EYA2: variants seen among roughly 807,000 people sequenced by gnomAD.
EYA2 encodes the protein protein phosphatase EYA2.
A neutral mutation model predicts 69.2 loss-of-function variants in EYA2; 31 were observed. The ratio of observed to expected loss-of-function variants is 0.45; its 90% CI spans 0.34 to 0.60. EYA2 has a LOEUF of 0.60. Among genes scored for constraint, EYA2 ranks in the 20% least tolerant of loss-of-function variants. The pLI, the probability that EYA2 is intolerant of heterozygous loss-of-function variation, is 0.02. For synonymous variants in EYA2, 257 were observed against 279.4 expected (o/e 0.92, Z 0.80); for missense variants, 622 against 701.2 (o/e 0.89, Z 1.28).
chr20:47,062,108 C>T lies in EYA2; in HGVS notation c.416-10077C>T, dbSNP rs143682921. Among the ~76,000 whole-genome samples the T allele has an allele frequency of 3.7e-3, 557 of 152,302 alleles. 2 individuals carry two copies. Among genetic ancestry groups the T allele is most frequent in the African/African-American group, 0.012 (483 of 41,558 alleles). ...TTTGCCTTCCTGCCTGAATCCTGGG[C>T]TCACTTACCACTTCTCACACGTGAT... On this transcript the variant is annotated intron_variant, in intron 5 of 15. Coordinates refer to ENST00000327619, the MANE Select transcript of EYA2 (RefSeq NM_005244.5).
chr20:47,159,805 C>T (rs2034027290), intron 10 of EYA2, among the ~76,000 whole-genome samples: 1 of 151,978 alleles, frequency 6.6e-6, no homozygotes, highest in Non-Finnish European at 1.5e-5. Context: ...GTCTGGCCAA[C>T]ATGGTGAAAC....
intron 10 of EYA2, among the ~76,000 whole-genome samples, chr20:47,149,872 TACATACAC>T (rs897470250): frequency 2.6e-5 from 4 of 151,878 alleles, no homozygotes; most frequent in African/African-American, 7.3e-5. Context: ...AATAAATACA[TACATACAC>T]ACATACACAC....
chr20:47,028,572 G>A (rs1984226538), intron 5 of EYA2, among the ~76,000 whole-genome samples: 1 of 152,248 alleles, frequency 6.6e-6, no homozygotes, highest in Non-Finnish European at 1.5e-5. Context: ...CAGGCACTGT[G>A]CCAGGTGCTG....
At chr20:46,914,579 G>C (rs1328230804) in intron 1 of EYA2, among the ~76,000 whole-genome samples, 2 of 152,180 alleles carry the variant, frequency 1.3e-5, no homozygotes, top group South Asian at 2.1e-4. Flanking sequence ...GCCCAGGAAA[G>C]GGGGAAGCCT....
intron 9 of EYA2, among the ~76,000 whole-genome samples, chr20:47,138,099 C>T (rs1030162430): frequency 2.0e-5 from 3 of 151,698 alleles, no homozygotes; most frequent in African/African-American, 4.9e-5. Context: ...TGTAACTAAC[C>T]TGCACATTGT....
chr20:47,075,186 T>C (rs1359155614), intron 7 of EYA2, among the ~76,000 whole-genome samples: 2 of 152,258 alleles, frequency 1.3e-5, no homozygotes, highest in Non-Finnish European at 2.9e-5. Context: ...TCTCTAATCA[T>C]TTACTTATAT....
At chr20:47,130,183 C>A (rs1356397377) in intron 9 of EYA2, among the ~76,000 whole-genome samples, 1 of 151,024 alleles carries the variant, frequency 6.6e-6, no homozygotes, top group African/African-American at 2.5e-5. Flanking sequence ...ATATAGCTGA[C>A]CACTCACTAC....
chr20:47,183,258 A>G, intron 14 of EYA2, 33 bp from the exon 15 acceptor site: 1 of 1,607,412 alleles, frequency 6.2e-7, no homozygotes, highest in South Asian at 1.1e-5. Context: ...GTCCTCACAG[A>G]GCGTTTTTTC....
At chr20:47,036,725 C>T (rs565823909) in intron 5 of EYA2, among the ~76,000 whole-genome samples, 1 of 152,270 alleles carries the variant, frequency 6.6e-6, no homozygotes, top group African/African-American at 2.4e-5. Flanking sequence ...TATTTCCTTC[C>T]TTCCAGTAGG....
chr20:46,967,813 T>C (rs62201230), intron 1 of EYA2, among the ~76,000 whole-genome samples: 1 of 152,156 alleles, frequency 6.6e-6, no homozygotes, highest in Admixed American at 6.5e-5. Context: ...TGCTTGCAGT[T>C]ACATCACAGA....
intron 1 of EYA2, among the ~76,000 whole-genome samples, chr20:46,916,637 C>G (rs868775282): frequency 6.6e-6 from 1 of 152,158 alleles, no homozygotes; most frequent in Non-Finnish European, 1.5e-5. Context: ...TTGGTTTTAA[C>G]TCTAATGCCA....
chr20:46,967,606 C>A (rs1248181537), intron 1 of EYA2, among the ~76,000 whole-genome samples: 2 of 152,130 alleles, frequency 1.3e-5, no homozygotes, highest in African/African-American at 4.8e-5. Flanking sequence ...CAGCTGTGAG[C>A]AGACCCCAAG....
intron 3 of EYA2, 37 bp from the exon 4 acceptor site, chr20:47,004,905 T>C (rs767144436): frequency 7.4e-6 from 12 of 1,613,958 alleles, no homozygotes; most frequent in Non-Finnish European, 2.5e-6. Context: ...GGTGCCAGAC[T>C]GGGCCTGGAG....
chr20:46,987,916 G>GACTGACTCTC, intron 1 of EYA2, among the ~76,000 whole-genome samples: 1 of 20,376 alleles, frequency 4.9e-5, no homozygotes, highest in African/African-American at 1.7e-4. Flanking sequence ...GACAGAGTAA[G>GACTGACTCTC]TCTCTCTCTC....
At chr20:47,003,356 G>T (rs887508244) in intron 3 of EYA2, among the ~76,000 whole-genome samples, 1 of 152,372 alleles carries the variant, frequency 6.6e-6, no homozygotes, top group East Asian at 1.9e-4. Context: ...TGCCTGGCAC[G>T]TAGGCATGAG....
intron 10 of EYA2, among the ~76,000 whole-genome samples, chr20:47,152,682 G>A (rs1170821192): frequency 1.3e-5 from 2 of 151,538 alleles, no homozygotes; most frequent in Non-Finnish European, 1.5e-5. Flanking sequence ...GTGGCAGCGG[G>A]TGCCTGTAAT....
intron 1 of EYA2, among the ~76,000 whole-genome samples, chr20:46,980,070 C>A (rs543608184): frequency 1.2e-4 from 19 of 152,204 alleles, no homozygotes; most frequent in Admixed American, 1.2e-3. Flanking sequence ...TGGATGGGCC[C>A]TGAGTTGAAA....
At chr20:47,147,883 A>G (rs1241413815) in intron 10 of EYA2, among the ~76,000 whole-genome samples, 2 of 151,876 alleles carry the variant, frequency 1.3e-5, no homozygotes. Context: ...ACATGGTGAA[A>G]CCCCGTCTTT....
intron 1 of EYA2, among the ~76,000 whole-genome samples, chr20:46,924,404 C>T (rs1985311043): frequency 6.6e-6 from 1 of 152,182 alleles, no homozygotes; most frequent in Admixed American, 6.5e-5. Context: ...GGCACGCTGG[C>T]TCACGCCTGT....
Sources: allele counts gnomAD v4.1 joint callset (sites outside exome capture counted in the v4.1 genomes callset), GRCh38; gene constraint gnomAD v4.1.1; transcripts MANE v1.5; gene names NCBI Gene and HGNC (gene_info 2026-07-23, HGNC 2026-07-21).